The following FOXP2 variants were observed in gnomAD, a reference collection of about 807,000 sequenced individuals.
FOXP2 encodes forkhead box P2.
FOXP2 carries 12 observed loss-of-function variants against 115.8 expected under a neutral mutation model. That is an observed-to-expected ratio of 0.10 (90% CI 0.07 to 0.17). The LOEUF is 0.17. Ranked by LOEUF, FOXP2 falls within the 10% of genes least tolerant of loss-of-function variation. The pLI is 1.00. For synonymous variants in FOXP2, 328 were observed against 297.7 expected (o/e 1.10, Z -1.05); for missense variants, 629 against 843.5 (o/e 0.75, Z 3.15).
chr7:114,568,148 C>G (rs1023681399), intron 3 of FOXP2, among the ~76,000 whole-genome samples: 6 of 151,988 alleles, frequency 3.9e-5, no homozygotes, highest in East Asian at 1.9e-4. Flanking sequence ...GTGACAGGGA[C>G]AGAGAAATGT....
chr7:114,093,173 A>G (rs1280336439), intron 1 of FOXP2, among the ~76,000 whole-genome samples: 1 of 152,176 alleles, frequency 6.6e-6, no homozygotes, highest in African/African-American at 2.4e-5. Flanking sequence ...CTGTGGACAT[A>G]TAAACCTCCT....
chr7:114,439,569 T>C (rs1794507669), intron 2 of FOXP2, among the ~76,000 whole-genome samples: 1 of 151,984 alleles, frequency 6.6e-6, no homozygotes, highest in African/African-American at 2.4e-5. Flanking sequence ...ATTTATTTAT[T>C]TTATTTTTTT....
At chr7:114,399,611 C>A (rs1184147695) in intron 2 of FOXP2, among the ~76,000 whole-genome samples, 1 of 152,014 alleles carries the variant, frequency 6.6e-6, no homozygotes, top group Non-Finnish European at 1.5e-5. Flanking sequence ...GTTTTAAGAC[C>A]TTGGGACACA....
At chr7:114,113,454 T>C (rs910142725) in intron 1 of FOXP2, among the ~76,000 whole-genome samples, 6 of 152,186 alleles carry the variant, frequency 3.9e-5, no homozygotes, top group Non-Finnish European at 8.8e-5. Flanking sequence ...CCATTATAGC[T>C]CACTGCAGCC....
At chr7:114,342,522 A>G (rs1035173535) in intron 2 of FOXP2, among the ~76,000 whole-genome samples, 4 of 151,514 alleles carry the variant, frequency 2.6e-5, no homozygotes, top group Non-Finnish European at 5.9e-5. Context: ...CCTAGAAGTT[A>G]GCTAAATAAC....
At chr7:114,388,601 A>G (rs1792514056) in intron 2 of FOXP2, among the ~76,000 whole-genome samples, 1 of 152,164 alleles carries the variant, frequency 6.6e-6, no homozygotes, top group East Asian at 1.9e-4. Flanking sequence ...TGATAGCCAC[A>G]TTTTAGAATT....
intron 3 of FOXP2, among the ~76,000 whole-genome samples, chr7:114,547,852 T>C (rs1800008848): frequency 6.6e-6 from 1 of 152,224 alleles, no homozygotes; most frequent in Non-Finnish European, 1.5e-5. Context: ...TATTGGTATA[T>C]AATTTTTATG....
intron 1 of FOXP2, among the ~76,000 whole-genome samples, chr7:114,425,423 T>C (rs897081925): frequency 2.0e-5 from 3 of 151,584 alleles, no homozygotes; most frequent in Non-Finnish European, 3.0e-5. Context: ...GAGCCAAAAA[T>C]GATCTTTCTA....
chr7:114,421,489 G>A (rs1182888126), intron 1 of FOXP2, among the ~76,000 whole-genome samples: 2 of 151,324 alleles, frequency 1.3e-5, no homozygotes, highest in Non-Finnish European at 3.0e-5. Context: ...TTGAATGAAA[G>A]TCTGAATTTT....
chr7:114,106,617 G>A (rs1447411051), intron 1 of FOXP2, among the ~76,000 whole-genome samples: 1 of 151,978 alleles, frequency 6.6e-6, no homozygotes, highest in Non-Finnish European at 1.5e-5. Flanking sequence ...ACATTCTTTA[G>A]AGGAAAATCT....
At position 114,587,880 on chromosome 7, in the gene FOXP2, A is replaced by ATATATATATATATATATATATATAT. The variant is rs1190124247; in HGVS notation, c.259-40660_259-40659insTATATATATATATATATATATATAT. On this transcript the variant is annotated intron_variant, in intron 3 of 16. Transcript: ENST00000350908. ...TAATTGGGTGAATAAGAGATAATTA[A>ATATATATATATATATATATATATAT]ATCCACCTTTCTTAGTGCCTTATTA... Among the ~76,000 whole-genome samples the ATATATATATATATATATATATATAT allele has an allele frequency of 5.7e-4, 35 of 61,550 alleles. 5 individuals are homozygous for ATATATATATATATATATATATATAT. Among genetic ancestry groups the ATATATATATATATATATATATATAT allele is most frequent in the Non-Finnish European group, 8.0e-4 (22 of 27,618 alleles). The allele number at this position is 61,550 out of a possible 152,430, so 40.4% of individuals were successfully genotyped here. A position where few individuals can be genotyped will look rare whatever the true frequency, so the allele number is the denominator to read the frequency against.
intron 1 of FOXP2, among the ~76,000 whole-genome samples, chr7:114,124,342 A>C (rs990925993): frequency 2.0e-5 from 3 of 152,112 alleles, no homozygotes; most frequent in African/African-American, 7.2e-5. Context: ...CCAGCATGTA[A>C]AAAACAATGG....
At chr7:114,236,805 C>A (rs1795017986) in intron 1 of FOXP2, among the ~76,000 whole-genome samples, 1 of 152,036 alleles carries the variant, frequency 6.6e-6, no homozygotes, top group Admixed American at 6.6e-5. Flanking sequence ...AGCAAAACCC[C>A]TTCTCTACTA....
chr7:114,129,092 C>G (rs1000715826), intron 1 of FOXP2, among the ~76,000 whole-genome samples: 4 of 152,102 alleles, frequency 2.6e-5, no homozygotes, highest in Admixed American at 2.6e-4. Flanking sequence ...TTTGTCCTTT[C>G]CATTCAGGAA....
In FOXP2 at chr7:114,087,931, C is replaced by T. The variant is rs117419240; in HGVS notation, c.-247+93C>T. On this transcript the variant is annotated intron_variant, in intron 1 of 19. Transcript: ENST00000635638. ...GGGTGCAAGTCTGGGGATTGGAAAG[C>T]GGAGCCAGTGCGCGTTTTGCACAGG... The T allele has an allele frequency of 5.7e-3, 867 of 152,206 alleles. 7 individuals carry two copies. The highest frequency in any genetic ancestry group is 8.5e-3 in the Non-Finnish European group (580 of 68,066). The allele number at this position is 152,206 out of a possible 1,614,324, so 9.4% of individuals were successfully genotyped here. A position where few individuals can be genotyped will look rare whatever the true frequency, so the allele number is the denominator to read the frequency against.
chr7:114,674,668 A>G (rs529924447), intron 16 of FOXP2, among the ~76,000 whole-genome samples: 1 of 152,196 alleles, frequency 6.6e-6, no homozygotes, highest in African/African-American at 2.4e-5. Flanking sequence ...CTTAGCTGAT[A>G]AAAGTTAAGA....
rs139337673 is a variant in FOXP2, at chr7:114,597,759, T to C, written c.259-30781T>C. On this transcript the variant is annotated intron_variant, in intron 3 of 16. Coordinates refer to ENST00000350908, the MANE Select transcript of FOXP2 (RefSeq NM_014491.4). ...GGTTACTGGAGGCTCTTTGGCAAGA[T>C]ATATTGCTTCCCATCAAGTATGACA... Among the ~76,000 whole-genome samples the C allele has an allele frequency of 9.5e-4, 144 of 152,294 alleles. 1 individual carries two copies. Among genetic ancestry groups the C allele is most frequent in the African/African-American group, 3.1e-3 (130 of 41,572 alleles).
intron 1 of FOXP2, among the ~76,000 whole-genome samples, chr7:114,102,732 A>ACACACACACACACACACACC (rs757957770): frequency 8.7e-4 from 127 of 146,194 alleles, no homozygotes; most frequent in African/African-American, 3.1e-3. Context: ...ACACACACAC[A>ACACACACACACACACACACC]CCCCAATGGT....
At chr7:114,298,957 A>C (rs1796814946) in intron 2 of FOXP2, among the ~76,000 whole-genome samples, 1 of 152,212 alleles carries the variant, frequency 6.6e-6, no homozygotes, top group African/African-American at 2.4e-5. Flanking sequence ...AACCATACGT[A>C]CAAAATTAGA....
Sources: gnomAD v4.1 joint callset for allele counts (sites outside exome capture counted in the v4.1 genomes callset) on GRCh38, gnomAD v4.1.1 for gene constraint, MANE v1.5 for transcripts, NCBI Gene and HGNC (gene_info 2026-07-23, HGNC 2026-07-21) for gene names.